ABLIM2: variants seen among roughly 807,000 people sequenced by gnomAD.
ABLIM2 encodes actin binding LIM protein family member 2.
A neutral mutation model predicts 97.7 loss-of-function variants in ABLIM2; 53 were observed. The observed-to-expected ratio is 0.54, with a 90% CI of 0.44 to 0.68. ABLIM2 has a LOEUF of 0.68. ABLIM2 is among the 30% of genes least tolerant of loss of function. The pLI is 0.00. For missense variants in ABLIM2, 835 were observed against 867.2 expected (o/e 0.96, Z 0.47); for synonymous variants, 361 against 345.8 (o/e 1.04, Z -0.49).
At position 7,992,747 on chromosome 4, in the gene ABLIM2, G is replaced by A. The variant is rs1749868637; in HGVS notation, c.1680+119C>T. The A allele has an allele frequency of 9.0e-7, 1 of 1,105,408 alleles. No homozygotes were observed. Among genetic ancestry groups the A allele is most frequent in the Non-Finnish European group, 1.3e-6 (1 of 749,578 alleles). 68.5% of individuals were successfully genotyped at this position (1,105,408 alleles called of 1,614,324 possible). ...TGGGAAGGGCATCAGGCAGAGGCAG[G>A]TGGGCCGCGGGGTCCCCGGGGCCTC... On this transcript the variant is annotated intron_variant, in intron 17 of 20. Coordinates refer to ENST00000447017, the MANE Select transcript of ABLIM2 (RefSeq NM_001130083.2). The surrounding 1 kb of genome is among the most constrained non-coding windows in gnomAD (Gnocchi z 5.7).
At chr4:8,080,830 A>T in intron 4 of ABLIM2, 28 bp from the exon 5 acceptor site, 1 of 1,580,310 alleles carries the variant, frequency 6.3e-7, no homozygotes, top group Non-Finnish European at 8.6e-7. Context: ...GAACACAGAC[A>T]CCCCCACCAT....
rs1005555749 is a variant in ABLIM2, at chr4:8,075,325, T to C, written c.675+2303A>G. ...GTGACAGCTAAAAGGTATGGGGTTC[T>C]TTCTAAGGTGAGGAAACTGTTCTAA... On this transcript the variant is annotated intron_variant, in intron 6 of 20. Coordinates refer to ENST00000447017, the MANE Select transcript of ABLIM2 (RefSeq NM_001130083.2). This position sits in a 1 kb window ranked among gnomAD's most constrained non-coding sequence, Gnocchi z 4.4. 6.6e-6 allele frequency among the ~76,000 whole-genome samples: 1 copy of C among 152,142 alleles called. No individual in the cohort carries two copies. The highest frequency in any genetic ancestry group is 1.5e-5 in the Non-Finnish European group (1 of 68,034).
At chr4:8,102,377 T>G (rs940573199) in intron 2 of ABLIM2, among the ~76,000 whole-genome samples, 2 of 152,232 alleles carry the variant, frequency 1.3e-5, no homozygotes, top group African/African-American at 4.8e-5. Context: ...CAGGGCTCAC[T>G]TTCTAGCACA....
At chr4:8,098,525 C>T (rs901919733) in intron 2 of ABLIM2, among the ~76,000 whole-genome samples, 11 of 152,268 alleles carry the variant, frequency 7.2e-5, no homozygotes, top group Admixed American at 6.5e-4. Context: ...GCTGGAAGCA[C>T]CAGAGTGGCT....
chr4:8,052,024 G>A (rs1282654332), intron 8 of ABLIM2, among the ~76,000 whole-genome samples: 1 of 152,126 alleles, frequency 6.6e-6, no homozygotes. Context: ...CTCTCTACCA[G>A]GGAGCTTCTT....
intron 11 of ABLIM2, among the ~76,000 whole-genome samples, chr4:8,029,133 T>A (rs1779230104): frequency 6.6e-6 from 1 of 152,186 alleles, no homozygotes; most frequent in Non-Finnish European, 1.5e-5. Flanking sequence ...CTCTCCTGAC[T>A]GGCGGGGACC....
intron 1 of ABLIM2, among the ~76,000 whole-genome samples, chr4:8,111,824 G>T (rs1471990763): frequency 6.6e-6 from 1 of 151,332 alleles, no homozygotes; most frequent in Non-Finnish European, 1.5e-5. Flanking sequence ...TACTCGAGAG[G>T]CTGAGGCAGG....
Position 8,122,254 on chromosome 4 carries a change from T to C in ABLIM2, c.11-15617A>G, listed in dbSNP as rs150517364. Among the ~76,000 whole-genome samples the C allele has an allele frequency of 6.6e-6, 1 of 152,242 alleles. No homozygotes were observed. Among genetic ancestry groups the C allele is most frequent in the Non-Finnish European group, 1.5e-5 (1 of 68,004 alleles). ...GCATCTCCATCATATCCGAATGGCC[T>C]GGTAAGGATGGCCACAGAGAGCTGG... On this transcript the variant is annotated intron_variant, in intron 1 of 20. Coordinates refer to ENST00000447017, the MANE Select transcript of ABLIM2 (RefSeq NM_001130083.2). This position sits in a 1 kb window ranked among gnomAD's most constrained non-coding sequence, Gnocchi z 4.1.
chr4:7,996,638 C>G lies in ABLIM2; in HGVS notation c.1619-3711G>C, dbSNP rs1490879131. ...AAGAAGAGGGCTATTATGTTTTGTC[C>G]CCGGTTTTACCTATTCCGACGTTCT... On this transcript the variant is annotated intron_variant, in intron 16 of 20. Coordinates refer to ENST00000447017, the MANE Select transcript of ABLIM2 (RefSeq NM_001130083.2). This position sits in a 1 kb window ranked among gnomAD's most constrained non-coding sequence, Gnocchi z 4.5. Among the ~76,000 whole-genome samples the G allele has an allele frequency of 6.6e-6, 1 of 152,116 alleles. No individual in the cohort carries two copies. The highest frequency in any genetic ancestry group is 6.6e-5 in the Admixed American group (1 of 15,262).
Position 8,149,349 on chromosome 4 carries a change from A to C in ABLIM2, c.10+9331T>G, listed in dbSNP as rs1464036018. Among the ~76,000 whole-genome samples, 2 of 152,058 alleles carry C rather than the reference A, an allele frequency of 1.3e-5. No homozygotes were observed. Among genetic ancestry groups the C allele is most frequent in the Admixed American group, 1.3e-4 (2 of 15,276 alleles). ...TAGTCACAGGGCCTGGGATTAGGAC[A>C]TGGGCACCTTTGAGTCCACTGTTCA... On this transcript the variant is annotated intron_variant, in intron 1 of 20. Coordinates refer to ENST00000447017, the MANE Select transcript of ABLIM2 (RefSeq NM_001130083.2). This position sits in a 1 kb window ranked among gnomAD's most constrained non-coding sequence, Gnocchi z 6.4.
chr4:8,061,194 C>T lies in ABLIM2; in HGVS notation c.676-140G>A, dbSNP rs1802804341. On this transcript the variant is annotated intron_variant, in intron 6 of 20. Transcript: ENST00000447017. The surrounding 1 kb of genome is among the most constrained non-coding windows in gnomAD (Gnocchi z 4.5). ...AAGGGCCAGCCCCCACCATCGGGAC[C>T]CAAGACCCCTGAGCAGAGCCCAGAC... is the stretch of plus-strand genomic sequence containing the variant. 1 of 732,778 alleles carries T rather than the reference C, an allele frequency of 1.4e-6. No individual in the cohort carries two copies. Among genetic ancestry groups the T allele is most frequent in the Non-Finnish European group, 2.2e-6 (1 of 448,530 alleles). The allele number at this position is 732,778 out of a possible 1,614,324, so 45.4% of individuals were successfully genotyped here.
rs569880136 is a variant in ABLIM2, at chr4:8,129,318, C to A, written c.11-22681G>T. Among the ~76,000 whole-genome samples the A allele has an allele frequency of 3.3e-3, 506 of 152,384 alleles. 1 individual carries two copies. The highest frequency in any genetic ancestry group is 0.012 in the African/African-American group (492 of 41,590). On this transcript the variant is annotated intron_variant, in intron 1 of 20. Transcript: ENST00000447017. ...ATCCCCTGCACAAGTGAATCAGAGG[C>A]CAGCACCCCATCGTAGGATGCATCC...
chr4:8,007,406 C>T lies in ABLIM2; in HGVS notation c.1618+653G>A, dbSNP rs368446178. ...AAGCCCAAGCCTTGCCCAATGAAAA[C>T]TGCCCCCAGCCCAGCTGAGACCCGC... On this transcript the variant is annotated intron_variant, in intron 16 of 20. Coordinates refer to ENST00000447017, the MANE Select transcript of ABLIM2 (RefSeq NM_001130083.2). 1.2e-5 allele frequency: 12 copies of T among 985,514 alleles called. No individual in the cohort carries two copies. In the East Asian group the frequency reaches 3.4e-4, roughly 28 times the overall value. 61.0% of individuals were successfully genotyped at this position (985,514 alleles called of 1,614,324 possible). A position where few individuals can be genotyped will look rare whatever the true frequency, so the allele number is the denominator to read the frequency against.
Position 8,128,789 on chromosome 4 carries a change from G to A in ABLIM2, c.11-22152C>T, listed in dbSNP as rs750818673. Among the ~76,000 whole-genome samples, 6 of 152,130 alleles carry A rather than the reference G, an allele frequency of 3.9e-5. No homozygotes were observed. The East Asian group carries it at 1.2e-3, about 29-fold the overall frequency. ...GCAGGTGGAGCCCTCATCATGGGATGAGTGCCCTTGTAAGAAGAGGCCAGA... is the reference window on the plus strand; with the variant it reads ...GCAGGTGGAGCCCTCATCATGGGATAAGTGCCCTTGTAAGAAGAGGCCAGA... On this transcript the variant is annotated intron_variant, in intron 1 of 20. Transcript: ENST00000447017. The surrounding 1 kb of genome is among the most constrained non-coding windows in gnomAD (Gnocchi z 4.9).
intron 20 of ABLIM2, among the ~76,000 whole-genome samples, chr4:7,979,996 A>G (rs745475173): frequency 6.6e-6 from 1 of 152,238 alleles, no homozygotes; most frequent in South Asian, 2.1e-4. Context: ...AAGCACAGTC[A>G]AAAGATAGAA....
Position 8,150,275 on chromosome 4 carries a change from G to A in ABLIM2, c.10+8405C>T, listed in dbSNP as rs1177771127. The stretch of plus-strand genomic sequence containing the variant: ...GCAGAGGGTCAGAGAGACAGGCCAG[G>A]CTGTCTTATGGAATGACGGCAGACA... On this transcript the variant is annotated intron_variant, in intron 1 of 20. Transcript: ENST00000447017. The surrounding 1 kb of genome is among the most constrained non-coding windows in gnomAD (Gnocchi z 6.3). 6.6e-6 allele frequency among the ~76,000 whole-genome samples: 1 copy of A among 152,190 alleles called. No individual in the cohort carries two copies. Among genetic ancestry groups the A allele is most frequent in the African/African-American group, 2.4e-5 (1 of 41,444 alleles).
At chr4:8,010,522 T>A (rs1352502612) in intron 14 of ABLIM2, 2 of 985,768 alleles carry the variant, frequency 2.0e-6, no homozygotes, top group Non-Finnish European at 2.4e-6. Context: ...GCCAGAGAGC[T>A]TGGAAATTTG....
chr4:7,989,437 C>T, intron 17 of ABLIM2: 1 of 985,380 alleles, frequency 1.0e-6, no homozygotes, highest in Non-Finnish European at 1.2e-6. Context: ...TGTATTTAAT[C>T]AAGGTGTCTG....
In ABLIM2 at chr4:8,128,202, C is replaced by A. The variant is rs1312143834; in HGVS notation, c.11-21565G>T. Among the ~76,000 whole-genome samples the A allele has an allele frequency of 6.6e-6, 1 of 152,172 alleles. No homozygotes were observed. The highest frequency in any genetic ancestry group is 2.4e-5 in the African/African-American group (1 of 41,446). On this transcript the variant is annotated intron_variant, in intron 1 of 20. Transcript: ENST00000447017. The surrounding 1 kb of genome is among the most constrained non-coding windows in gnomAD (Gnocchi z 4.9). ...GTCTTCCCTGTGTGTCTCTGCGTGT[C>A]CTTTTTAGTCTCTTATGAGGACACC...
Sources: gnomAD v4.1 joint callset for allele counts (sites outside exome capture counted in the v4.1 genomes callset) on GRCh38, gnomAD v4.1.1 for gene constraint, Gnocchi (gnomAD v3.1) non-coding constraint, MANE v1.5 for transcripts, NCBI Gene and HGNC (gene_info 2026-07-23, HGNC 2026-07-21) for gene names.